The following RIN1 variants were observed in gnomAD, a reference collection of about 807,000 sequenced individuals.
The protein encoded by RIN1 is Ras and Rab interactor 1.
A neutral mutation model predicts 64.9 loss-of-function variants in RIN1; 52 were observed. That is an observed-to-expected ratio of 0.80 (90% CI 0.64 to 1.01). The LOEUF is 1.01. Ranked by LOEUF, RIN1 falls within the 50% of genes least tolerant of loss-of-function variation. The pLI, the probability that RIN1 is intolerant of heterozygous loss-of-function variation, is 0.00. For missense variants in RIN1, 1,040 were observed against 1,064.5 expected (o/e 0.98, Z 0.32); for synonymous variants, 486 against 483.6 (o/e 1.00, Z -0.06).
At position 66,335,364 on chromosome 11, in the gene RIN1, C is replaced by T. The variant is rs1249502716; in HGVS notation, c.547+43G>A. On this transcript the variant is annotated intron_variant, in intron 5 of 9. Coordinates refer to ENST00000311320, the MANE Select transcript of RIN1 (RefSeq NM_004292.3). Reference sequence around the variant, plus strand: ...CTGCGAGCCTTGCCTTCCCCTCGGCCTCAGCTTGTTCATCTGTGCAATGGG... The same window carrying T: ...CTGCGAGCCTTGCCTTCCCCTCGGCTTCAGCTTGTTCATCTGTGCAATGGG... 35 of 1,567,138 alleles carry T rather than the reference C, an allele frequency of 2.2e-5. 1 individual carries two copies. The highest frequency in any genetic ancestry group is 3.7e-5 in the Admixed American group (2 of 53,444).
Position 66,335,059 on chromosome 11 carries a change from A to C in RIN1, c.740T>G (p.Val247Gly), listed in dbSNP as rs531365684. ...GCTGGAGGTCTCTGTGGACACGCGCACTTTGAAGCTTCTCTTGAATTTCTC... is the reference window on the plus strand; with the variant it reads ...GCTGGAGGTCTCTGTGGACACGCGCCCTTTGAAGCTTCTCTTGAATTTCTC... ...KREKFKRSFK[V>G]RVSTETSSPL... is the part of the protein sequence containing the mutation. The change falls in exon 6 of 10, where the codon GTG (valine) becomes GGG (glycine). Residue 247 changes from valine to glycine, a missense_variant. Val to Gly is a moderately radical substitution (Grantham distance 109, BLOSUM62 -3). Coordinates refer to ENST00000311320, the MANE Select transcript of RIN1 (RefSeq NM_004292.3). 6.5e-7 allele frequency: 1 copy of C among 1,526,962 alleles called. No homozygotes were observed. Among genetic ancestry groups the C allele is most frequent in the South Asian group, 1.3e-5 (1 of 76,710 alleles). The allele number at this position is 1,526,962 out of a possible 1,614,324, so 94.6% of individuals were successfully genotyped here.
chr11:66,331,211 T>TAGAA lies in RIN1; in HGVS notation c.*1064_*1065insTTCT, dbSNP rs1442823721. 1 of 152,530 alleles carries TAGAA rather than the reference T, an allele frequency of 6.6e-6. No homozygotes were observed. Among genetic ancestry groups the TAGAA allele is most frequent in the Non-Finnish European group, 1.5e-5 (1 of 68,252 alleles). 9.4% of individuals were successfully genotyped at this position (152,530 alleles called of 1,614,324 possible). A position where few individuals can be genotyped will look rare whatever the true frequency, so the allele number is the denominator to read the frequency against. On this transcript the variant is annotated 3_prime_UTR_variant, in exon 10 of 10. Coordinates refer to ENST00000311320, the MANE Select transcript of RIN1 (RefSeq NM_004292.3). ...GCTTCCTTGGGGGCTGCCCCGGCCT[T>TAGAA]TGTGGGTGGCTTAGAATGGAGGGTG... is the stretch of plus-strand genomic sequence containing the variant.
rs1411652682 is a variant in RIN1, at chr11:66,330,639, C to T, written c.*1637G>A. On this transcript the variant is annotated 3_prime_UTR_variant, in exon 10 of 10. Coordinates refer to ENST00000311320, the MANE Select transcript of RIN1 (RefSeq NM_004292.3). ...AAAATTAGCCAGGTGTGGTGGTGCA[C>T]ACCTGTAGTCCCAGCTACTCGGGAG... 6.6e-6 allele frequency: 1 copy of T among 152,282 alleles called. No individual in the cohort carries two copies. Among genetic ancestry groups the T allele is most frequent in the Non-Finnish European group, 1.5e-5 (1 of 68,142 alleles). 9.4% of individuals were successfully genotyped at this position (152,282 alleles called of 1,614,324 possible).
Position 66,332,585 on chromosome 11 carries a change from G to C in RIN1, c.2043C>G (p.Tyr681Ter), listed in dbSNP as rs552992108. 2.5e-6 allele frequency: 4 copies of C among 1,611,152 alleles called. No individual in the cohort carries two copies. The South Asian group carries it at 4.4e-5, about 18-fold the overall frequency. ...FGLFLYKEQG[Y>*]HRLPPGALAH... is the part of the protein sequence containing the mutation. ...CCAGGGCCCCAGGGGGCAGGCGGTG[G>C]TAGCCCTGCTCCTTGTACAGGAAGA... The change falls in exon 10 of 10, where the codon TAC (tyrosine) becomes TAG (stop). Residue 681 changes from tyrosine (Y) to a stop codon, truncating the protein, a stop_gained. Coordinates refer to ENST00000311320, the MANE Select transcript of RIN1 (RefSeq NM_004292.3). LOFTEE classifies it high-confidence loss of function.
rs779914017 is a variant in RIN1 at position 66,333,639 on chromosome 11, G to A, written c.1611C>T (p.Asp537=). The part of the protein sequence containing the change: ...RTQEGEGAGA[D]EFLPLLSLVL... ...CGAGGCTCAGCAGAGGCAGGAACTCGTCGGCACCCGCGCCCTCCCCTGTGG... is the reference window on the plus strand; with the variant it reads ...CGAGGCTCAGCAGAGGCAGGAACTCATCGGCACCCGCGCCCTCCCCTGTGG... Residue 537 remains aspartate (D), a synonymous_variant, in exon 8 of 10, where the codon GAC becomes GAT. Coordinates refer to ENST00000311320, the MANE Select transcript of RIN1 (RefSeq NM_004292.3). 3.0e-5 allele frequency: 49 copies of A among 1,612,558 alleles called. No homozygotes were observed. Among genetic ancestry groups the A allele is most frequent in the Admixed American group, 8.4e-5 (5 of 59,822 alleles).
rs977807979 is a variant in RIN1, at chr11:66,330,955, C to T, written c.*1321G>A. 1 of 152,314 alleles carries T rather than the reference C, an allele frequency of 6.6e-6. No individual in the cohort carries two copies. Among genetic ancestry groups the T allele is most frequent in the African/African-American group, 2.4e-5 (1 of 41,464 alleles). 9.4% of individuals were successfully genotyped at this position (152,314 alleles called of 1,614,324 possible). ...ATGGCCCCCAAGAGGCTGGCCTTAC[C>T]CAGACCCCAGAATCTAAGGGACCTG... On this transcript the variant is annotated 3_prime_UTR_variant, in exon 10 of 10. Transcript: ENST00000311320.
At position 66,332,498 on chromosome 11, in the gene RIN1, C is replaced by G. The variant is rs763349169; in HGVS notation, c.2130G>C (p.Gln710His). Residue 710 changes from glutamine (Q) to histidine (H), a missense_variant, in exon 10 of 10, where the codon CAG becomes CAC. By Grantham distance (24) the Gln-to-His change is conservative (BLOSUM62 0). Coordinates refer to ENST00000311320, the MANE Select transcript of RIN1 (RefSeq NM_004292.3). ...TGCCCTCCTCCTCTGTCACAGCCCC[C>G]TGGGTCTCAGGCCACTCCGCCCGGC... ...VYRRAEWPET[Q>H]GAVTEEEGSG... The G allele has an allele frequency of 5.0e-6, 8 of 1,614,162 alleles. No individual in the cohort carries two copies. The highest frequency in any genetic ancestry group is 6.8e-6 in the Non-Finnish European group (8 of 1,180,014).
rs1314555346 is a variant in RIN1 at position 66,335,749 on chromosome 11, G to GCCAGC, written c.382+8_382+12dup. ...CCTGCTTCCAGCCCCTTCCCGCCAG[G>GCCAGC]CCAGCCCCTCACCGCCAGGGCTCTC... On this transcript the variant is annotated intron_variant, in intron 3 of 9. Transcript: ENST00000311320. 5 of 1,612,140 alleles carry GCCAGC rather than the reference G, an allele frequency of 3.1e-6. No individual in the cohort carries two copies. Among genetic ancestry groups the GCCAGC allele is most frequent in the Non-Finnish European group, 4.2e-6 (5 of 1,179,170 alleles).
Position 66,334,756 on chromosome 11 carries a change from C to T in RIN1, c.1043G>A (p.Arg348Gln), listed in dbSNP as rs745672009. 15 of 1,549,584 alleles carry T rather than the reference C, an allele frequency of 9.7e-6. 1 individual carries two copies. The South Asian group carries it at 1.4e-4, about 15-fold the overall frequency. ...GGAGCAGAAGGCGGCGCTCATGGAC[C>T]GAAGCAGAGGTCGTCGGCGGCCCAG... ...PHLGRRRPLL[R>Q]SMSAAFCSLL... The change falls in exon 6 of 10, where the codon CGG becomes CAG. Residue 348 changes from arginine (R) to glutamine (Q), a missense_variant. Coordinates refer to ENST00000311320, the MANE Select transcript of RIN1 (RefSeq NM_004292.3).
chr11:66,336,225 C>T, intron 1 of RIN1, 67 bp from the exon 2 acceptor site: 1 of 1,500,834 alleles, frequency 6.7e-7, no homozygotes, highest in Non-Finnish European at 9.0e-7. Flanking sequence ...CTCTTCCCCA[C>T]TCCCGGGTTT....
chr11:66,336,101 C>T lies in RIN1; in HGVS notation c.144G>A (p.Gly48=). The T allele has an allele frequency of 6.9e-7, 1 of 1,445,198 alleles. No individual in the cohort carries two copies. The highest frequency in any genetic ancestry group is 2.5e-5 in the East Asian group (1 of 39,560). 89.5% of individuals were successfully genotyped at this position (1,445,198 alleles called of 1,614,324 possible). The change falls in exon 2 of 10, where the codon GGG becomes GGA. Residue 48 remains glycine, a synonymous_variant. Transcript: ENST00000311320. ...TCACAACGCGCCCCGGCCGCTGCGG[C>T]CCGCCTGCCTGCCCGCCGCTGGCAT... The part of the protein sequence containing the change: ...VPNASGGQAG[G]PQRPGRVVSL...
At chr11:66,332,911 G>T (rs1785638) in intron 9 of RIN1, 159 bp from the exon 10 acceptor site, 2 of 651,888 alleles carry the variant, frequency 3.1e-6, no homozygotes, top group South Asian at 2.0e-5. Flanking sequence ...TGCTCCAGGG[G>T]TCGGCTTGTG....
chr11:66,335,277 C>G, intron 5 of RIN1, 26 bp from the exon 6 acceptor site: 1 of 1,562,888 alleles, frequency 6.4e-7, no homozygotes. Flanking sequence ...CCGACTGGGG[C>G]CTCCGGGACT....
Position 66,334,227 on chromosome 11 carries a change from G to A in RIN1, c.1286-3C>T. 2 of 1,456,500 alleles carry A rather than the reference G, an allele frequency of 1.4e-6. No homozygotes were observed. The highest frequency in any genetic ancestry group is 9.0e-7 in the Non-Finnish European group (1 of 1,109,082). 90.2% of individuals were successfully genotyped at this position (1,456,500 alleles called of 1,614,324 possible). On this transcript the variant is annotated splice_polypyrimidine_tract_variant and splice_region_variant and intron_variant, in intron 6 of 9. Coordinates refer to ENST00000311320, the MANE Select transcript of RIN1 (RefSeq NM_004292.3). ...CAATGACTTCTCCAGGACATGTTCT[G>A]CCGGAGGGACAGGGAGGGGTCAGGG... is the stretch of plus-strand genomic sequence containing the variant.
chr11:66,332,208 G>T lies in RIN1; in HGVS notation c.*68C>A. The T allele has an allele frequency of 6.9e-7, 1 of 1,447,954 alleles. No individual in the cohort carries two copies. The highest frequency in any genetic ancestry group is 9.7e-7 in the Non-Finnish European group (1 of 1,036,248). 89.7% of individuals were successfully genotyped at this position (1,447,954 alleles called of 1,614,324 possible). On this transcript the variant is annotated 3_prime_UTR_variant, in exon 10 of 10. Transcript: ENST00000311320. ...GACAGGGCCCTGGGTGGGGCTTGCT[G>T]GCGCTAAAAGGATTTCTCAGCAGGC...
chr11:66,333,102 G>A (rs1015103204), intron 9 of RIN1, 156 bp downstream of exon 9: 3 of 844,168 alleles, frequency 3.6e-6, no homozygotes, highest in Non-Finnish European at 5.6e-6. Flanking sequence ...GAGGCACGAA[G>A]TAGTTAAGTA....
Position 66,332,346 on chromosome 11 carries a change from C to A in RIN1, c.2282G>T (p.Gly761Val). ...CTGAGCAGGGCCTTCCTGGGCTTGA[C>A]CCTGGCCCCCTTCAGCAGTTGTCTC... ...QSETTAEGGQ[G>V]QAQEGPAQPG... Residue 761 changes from glycine to valine, a missense_variant, in exon 10 of 10, where the codon GGT becomes GTT. Transcript: ENST00000311320. 6.2e-7 allele frequency: 1 copy of A among 1,614,156 alleles called. No homozygotes were observed. Among genetic ancestry groups the A allele is most frequent in the East Asian group, 2.2e-5 (1 of 44,890 alleles).
rs990266299 is a variant in RIN1 at position 66,330,690 on chromosome 11, T to G, written c.*1586A>C. On this transcript the variant is annotated 3_prime_UTR_variant, in exon 10 of 10. Transcript: ENST00000311320. ...GCTGAGGCAGGAGAATCACTTGAAC[T>G]GGGAGGCGAAGGTTGCTGTGAGCCG... The G allele has an allele frequency of 2.6e-5, 4 of 152,304 alleles. No homozygotes were observed. The highest frequency in any genetic ancestry group is 7.2e-5 in the African/African-American group (3 of 41,418). The allele number at this position is 152,304 out of a possible 1,614,324, so 9.4% of individuals were successfully genotyped here. A position where few individuals can be genotyped will look rare whatever the true frequency, so the allele number is the denominator to read the frequency against.
Position 66,333,354 on chromosome 11 carries a change from A to G in RIN1, c.1779T>C (p.Gly593=). The change falls in exon 9 of 10, where the codon GGT becomes GGC. Residue 593 remains glycine (G), a synonymous_variant. Coordinates refer to ENST00000311320, the MANE Select transcript of RIN1 (RefSeq NM_004292.3). The part of the protein sequence containing the change: ...SASLALLSGL[G]QAHTLPLSPV... The stretch of plus-strand genomic sequence containing the variant: ...GGCTCAGTGGGAGGGTGTGGGCCTG[A>G]CCCAGGCCACTCAGCAGGGCCAGGC... 5.0e-6 allele frequency: 8 copies of G among 1,612,922 alleles called. No individual in the cohort carries two copies. The highest frequency in any genetic ancestry group is 5.9e-6 in the Non-Finnish European group (7 of 1,179,654).
Sources: gnomAD v4.1 joint callset for allele counts on GRCh38, gnomAD v4.1.1 for gene constraint, MANE v1.5 for transcripts, NCBI Gene and HGNC (gene_info 2026-07-23, HGNC 2026-07-21) for gene names.